LRRC20: variants seen among roughly 807,000 people sequenced by gnomAD.
LRRC20 encodes the protein leucine rich repeat containing 20, also known as leucine-rich repeat-containing protein 20.
A neutral mutation model predicts 14.4 loss-of-function variants in LRRC20; 11 were observed. The ratio of observed to expected loss-of-function variants is 0.77; its 90% CI spans 0.48 to 1.27. The LOEUF is 1.27. Among genes scored for constraint, LRRC20 ranks in the 50% most tolerant of loss-of-function variants. LRRC20 has a pLI of 0.00. For missense variants in LRRC20, 219 were observed against 251.2 expected (o/e 0.87, Z 0.87); for synonymous variants, 121 against 107.3 (o/e 1.13, Z -0.79).
chr10:70,320,302 G>GATAGATAC (rs1842028633), intron 4 of LRRC20, among the ~76,000 whole-genome samples: 1 of 118,116 alleles, frequency 8.5e-6, no homozygotes, highest in Non-Finnish European at 1.9e-5. Context: ...CCAGGAGATA[G>GATAGATAC]ATAGATAGAT....
chr10:70,324,849 G>A (rs1290454746), intron 3 of LRRC20, among the ~76,000 whole-genome samples: 1 of 152,160 alleles, frequency 6.6e-6, no homozygotes, highest in South Asian at 2.1e-4. Context: ...CACACCAGCC[G>A]TGCCCCTACT....
intron 3 of LRRC20, among the ~76,000 whole-genome samples, chr10:70,338,329 TCC>T (rs1842784882): frequency 1.6e-5 from 2 of 128,752 alleles, no homozygotes; most frequent in South Asian, 7.1e-4. Flanking sequence ...TGCCCACACC[TCC>T]TCTAGGAAGC....
intron 2 of LRRC20, among the ~76,000 whole-genome samples, chr10:70,349,206 G>A (rs1222448798): frequency 3.9e-5 from 6 of 152,250 alleles, no homozygotes; most frequent in Non-Finnish European, 7.3e-5. Context: ...CAAGCAGCAT[G>A]GTCAGGCAGA....
chr10:70,357,977 C>T lies in LRRC20; in HGVS notation c.83-17275G>A, dbSNP rs116732210. 1.8e-3 allele frequency among the ~76,000 whole-genome samples: 267 copies of T among 152,326 alleles called. 1 individual carries two copies. Among genetic ancestry groups the T allele is most frequent in the African/African-American group, 6.3e-3 (262 of 41,572 alleles). ...CCCTGAGGTCTTCCTGCAAGGAAAG[C>T]ATCAATCAGTCCCTTTTTGCAGAGA... On this transcript the variant is annotated intron_variant, in intron 2 of 4. Transcript: ENST00000446961.
intron 3 of LRRC20, among the ~76,000 whole-genome samples, chr10:70,339,016 G>A (rs1842815965): frequency 6.6e-6 from 1 of 151,810 alleles, no homozygotes; most frequent in African/African-American, 2.4e-5. Flanking sequence ...GGAGTGACTG[G>A]GTCATATGGT....
chr10:70,304,857 C>T (rs1161769054), intron 4 of LRRC20, among the ~76,000 whole-genome samples: 2 of 152,108 alleles, frequency 1.3e-5, no homozygotes, highest in South Asian at 4.1e-4. Flanking sequence ...CATTATGGCA[C>T]GTGGCATTGA....
rs184859478 is a variant in LRRC20, at chr10:70,306,090, C to A, written c.401-4582G>T. ...TATCCTATTTGCTCTATCATTTGTG[C>A]ATGCATTTTCTGTCTCTCTCTCTCT... On this transcript the variant is annotated intron_variant, in intron 4 of 4. Coordinates refer to ENST00000446961, the MANE Select transcript of LRRC20 (RefSeq NM_001278212.2). Among the ~76,000 whole-genome samples, 722 of 134,712 alleles carry A rather than the reference C, an allele frequency of 5.4e-3. 3 individuals carry two copies. The highest frequency in any genetic ancestry group is 0.018 in the Middle Eastern group (5 of 274). The allele number at this position is 134,712 out of a possible 152,430, so 88.4% of individuals were successfully genotyped here.
intron 2 of LRRC20, among the ~76,000 whole-genome samples, chr10:70,353,802 C>A (rs191439191): frequency 6.2e-4 from 94 of 152,266 alleles, no homozygotes; most frequent in Non-Finnish European, 1.2e-3. Context: ...GAATATGTAA[C>A]CCGCATTCAG....
chr10:70,325,004 A>G (rs1284950768), intron 3 of LRRC20, among the ~76,000 whole-genome samples: 1 of 152,140 alleles, frequency 6.6e-6, no homozygotes, highest in African/African-American at 2.4e-5. Context: ...CATGACAGGG[A>G]GAGGTAGAGG....
intron 3 of LRRC20, among the ~76,000 whole-genome samples, chr10:70,326,488 C>G (rs1299178861): frequency 1.3e-5 from 2 of 152,188 alleles, no homozygotes; most frequent in Non-Finnish European, 2.9e-5. Context: ...AATGACTCTT[C>G]TCCCCTCAGG....
chr10:70,382,604 G>A lies in LRRC20; in HGVS notation c.-119C>T, dbSNP rs1296522494. ...CGCAGTCACGCTCCCTCCGCCGCCGGCGGCGCCCCAGGCGAGTTCCGAGCC... is the reference window on the plus strand; with the variant it reads ...CGCAGTCACGCTCCCTCCGCCGCCGACGGCGCCCCAGGCGAGTTCCGAGCC... On this transcript the variant is annotated 5_prime_UTR_variant, in exon 1 of 5. Coordinates refer to ENST00000446961, the MANE Select transcript of LRRC20 (RefSeq NM_001278212.2). 8 of 151,490 alleles carry A rather than the reference G, an allele frequency of 5.3e-5. No homozygotes were observed. The South Asian group carries it at 1.2e-3, about 24-fold the overall frequency. 9.4% of individuals were successfully genotyped at this position (151,490 alleles called of 1,614,324 possible).
intron 2 of LRRC20, among the ~76,000 whole-genome samples, chr10:70,367,034 A>C: frequency 6.6e-6 from 1 of 152,084 alleles, no homozygotes; most frequent in Non-Finnish European, 1.5e-5. Flanking sequence ...GAGAAATGAA[A>C]ACTTTACTGA....
intron 4 of LRRC20, among the ~76,000 whole-genome samples, chr10:70,320,732 A>G (rs1842046413): frequency 6.6e-6 from 1 of 152,222 alleles, no homozygotes; most frequent in Admixed American, 6.5e-5. Context: ...CGTGCCACAC[A>G]GACCTGAAAC....
Position 70,372,527 on chromosome 10 carries a change from C to T in LRRC20, c.82+3925G>A, listed in dbSNP as rs920736314. Among the ~76,000 whole-genome samples, 15 of 150,908 alleles carry T rather than the reference C, an allele frequency of 9.9e-5. 1 individual carries two copies. Among genetic ancestry groups the T allele is most frequent in the African/African-American group, 2.9e-4 (12 of 41,038 alleles). ...CGCAATCTCAGCTCACTGCAGGCTC[C>T]ACCTCCCAGGTTCACACCATTCTCC... On this transcript the variant is annotated intron_variant, in intron 2 of 4. Transcript: ENST00000446961.
intron 4 of LRRC20, among the ~76,000 whole-genome samples, chr10:70,321,928 G>T (rs756825233): frequency 6.6e-6 from 1 of 152,218 alleles, no homozygotes; most frequent in Non-Finnish European, 1.5e-5. Context: ...TCATTCTGCA[G>T]AAAAGCGAGA....
In LRRC20 at chr10:70,300,253, G is replaced by T; in HGVS notation, c.*1101C>A. 1 of 652,686 alleles carries T rather than the reference G, an allele frequency of 1.5e-6. No individual in the cohort carries two copies. Among genetic ancestry groups the T allele is most frequent in the Non-Finnish European group, 1.9e-6 (1 of 526,064 alleles). 40.4% of individuals were successfully genotyped at this position (652,686 alleles called of 1,614,324 possible). On this transcript the variant is annotated 3_prime_UTR_variant, in exon 5 of 5. Transcript: ENST00000446961. ...AGCCCCAGGCCCTCTCCTGGTAGGG[G>T]ACCAACCATCCCCACTTGCTGGGTA...
chr10:70,379,329 G>C (rs1327020778), intron 1 of LRRC20, among the ~76,000 whole-genome samples: 1 of 152,174 alleles, frequency 6.6e-6, no homozygotes, highest in Admixed American at 6.5e-5. Context: ...TCATAGCCAT[G>C]TTGCTAGCAT....
At chr10:70,371,742 G>T (rs1449024043) in intron 2 of LRRC20, among the ~76,000 whole-genome samples, 1 of 152,286 alleles carries the variant, frequency 6.6e-6, no homozygotes, top group East Asian at 1.9e-4. Context: ...ATGCTGAGGA[G>T]GGGTGAGAGA....
intron 4 of LRRC20, among the ~76,000 whole-genome samples, chr10:70,311,245 T>TTTTTTTTTTTTTC (rs1841653128): frequency 6.7e-6 from 1 of 148,616 alleles, no homozygotes; most frequent in Non-Finnish European, 1.5e-5. Context: ...TTTTTTTTTT[T>TTTTTTTTTTTTTC]TGAGACAGAG....
Sources: gnomAD v4.1 joint callset for allele counts (sites outside exome capture counted in the v4.1 genomes callset) on GRCh38, gnomAD v4.1.1 for gene constraint, MANE v1.5 for transcripts, NCBI Gene and HGNC (gene_info 2026-07-23, HGNC 2026-07-21) for gene names.